BCAN: variants seen among roughly 807,000 people sequenced by gnomAD.
BCAN encodes the protein brevican.
Under a neutral mutation model 92.4 loss-of-function variants are expected in BCAN, and 51 were observed. The ratio of observed to expected loss-of-function variants is 0.55; its 90% CI spans 0.44 to 0.70. BCAN has a LOEUF of 0.70. Among genes scored for constraint, BCAN ranks in the 30% least tolerant of loss-of-function variants. The probability of loss-of-function intolerance (pLI) is 0.00; values close to 1 mark genes in which losing one functional copy is unlikely to be tolerated. For synonymous variants in BCAN, 501 were observed against 505.2 expected, an observed-to-expected ratio of 0.99 and a Z score of 0.11; for missense variants, 1,140 against 1,212.1, an observed-to-expected ratio of 0.94 and a Z score of 0.88.
At position 156,659,287 on chromosome 1, in the gene BCAN, T is replaced by C. The variant is rs975216152; in HGVS notation, c.*153T>C. 8.0e-6 allele frequency: 5 copies of C among 626,844 alleles called. No individual in the cohort carries two copies. The highest frequency in any genetic ancestry group is 4.2e-4 in the Middle Eastern group (1 of 2,354). The allele number at this position is 626,844 out of a possible 1,614,324, so 38.8% of individuals were successfully genotyped here. On this transcript the variant is annotated 3_prime_UTR_variant, in exon 14 of 14. Coordinates refer to ENST00000329117, the MANE Select transcript of BCAN (RefSeq NM_021948.5). ...AGTTCCTGAAGGGGCTTCTGGGAAA[T>C]ACCTAGGAGGCTCCAGCCCAGCCCA...
chr1:156,653,244 G>A (rs753831895), intron 8 of BCAN: 16 of 1,230,806 alleles, frequency 1.3e-5, no homozygotes, highest in African/African-American at 7.7e-5. Context: ...TTCAGGGCTC[G>A]GCCTATTTTC....
At chr1:156,648,962 C>T in intron 6 of BCAN, 101 bp downstream of exon 6, 3 of 1,356,896 alleles carry the variant, frequency 2.2e-6, no homozygotes, top group Non-Finnish European at 3.0e-6. Context: ...CAGGGCTTTG[C>T]CATTTGCCTG....
In BCAN at chr1:156,649,460, T is replaced by A. The variant is rs1282837123; in HGVS notation, c.1063+599T>A. On this transcript the variant is annotated intron_variant, in intron 6 of 13. Coordinates refer to ENST00000329117, the MANE Select transcript of BCAN (RefSeq NM_021948.5). ...CTCCGTCCCCCAGGCTGGAGTGCAGTGGTGTGATCATGGTTCATTGTAGCC... is the reference window on the plus strand; with the variant it reads ...CTCCGTCCCCCAGGCTGGAGTGCAGAGGTGTGATCATGGTTCATTGTAGCC... Among the ~76,000 whole-genome samples, 15 of 152,164 alleles carry A rather than the reference T, an allele frequency of 9.9e-5. 1 individual carries two copies. Among genetic ancestry groups the A allele is most frequent in the Admixed American group, 7.9e-4 (12 of 15,280 alleles).
In BCAN at chr1:156,648,516, G is replaced by A. The variant is rs571298781; in HGVS notation, c.770-52G>A. 1.7e-5 allele frequency: 26 copies of A among 1,525,252 alleles called. No homozygotes were observed. In the South Asian group the frequency reaches 3.0e-4, roughly 18 times the overall value. The allele number at this position is 1,525,252 out of a possible 1,614,324, so 94.5% of individuals were successfully genotyped here. A position where few individuals can be genotyped will look rare whatever the true frequency, so the allele number is the denominator to read the frequency against. On this transcript the variant is annotated intron_variant, in intron 5 of 13. Coordinates refer to ENST00000329117, the MANE Select transcript of BCAN (RefSeq NM_021948.5). ...CCCAGGGTTCCCATGGGAGACCAGA[G>A]TGGAAGGAGCTACCAGCTGCCTGAT...
chr1:156,646,760 G>A lies in BCAN; in HGVS notation c.92-41G>A, dbSNP rs200020153. ...GAGGCCACCGGGTGGGACTCTGAGG[G>A]TCGACAGCGTTAAGTTCCAGCCGGC... On this transcript the variant is annotated intron_variant, in intron 2 of 13. Transcript: ENST00000329117. 1.5e-5 allele frequency: 22 copies of A among 1,513,682 alleles called. No individual in the cohort carries two copies. The Admixed American group carries it at 3.8e-4, about 26-fold the overall frequency. 93.8% of individuals were successfully genotyped at this position (1,513,682 alleles called of 1,614,324 possible).
In BCAN at chr1:156,646,851, G is replaced by T. The variant is rs371921059; in HGVS notation, c.142G>T (p.Val48Leu). ...RIAGDAPLQG[V>L]LGGALTIPCH... Reference sequence around the variant, plus strand: ...CGCGGGCGACGCGCCACTGCAGGGCGTGCTCGGCGGCGCCCTCACCATCCC... The same window carrying T: ...CGCGGGCGACGCGCCACTGCAGGGCTTGCTCGGCGGCGCCCTCACCATCCC... The change falls in exon 3 of 14, where the codon GTG (valine) becomes TTG (leucine). Residue 48 changes from valine to leucine, a missense_variant. Transcript: ENST00000329117. The T allele has an allele frequency of 3.7e-6, 6 of 1,604,796 alleles. No homozygotes were observed. The highest frequency in any genetic ancestry group is 4.3e-6 in the Non-Finnish European group (5 of 1,175,622).
chr1:156,647,214 G>GA lies in BCAN; in HGVS notation c.466+40dup. 1 of 400,872 alleles carries GA rather than the reference G, an allele frequency of 2.5e-6. No homozygotes were observed. The highest frequency in any genetic ancestry group is 5.1e-6 in the Non-Finnish European group (1 of 196,030). The allele number at this position is 400,872 out of a possible 1,614,324, so 24.8% of individuals were successfully genotyped here. The stretch of plus-strand genomic sequence containing the variant: ...GAGGTTCCAGAGGGAGGGAGGGAGG[G>GA]AGGGAAGGGAGGACTCTTGCCTTCG... On this transcript the variant is annotated intron_variant, in intron 3 of 13. Coordinates refer to ENST00000329117, the MANE Select transcript of BCAN (RefSeq NM_021948.5). This position sits in a 1 kb window ranked among gnomAD's most constrained non-coding sequence, Gnocchi z 4.8.
chr1:156,646,768 C>T (rs1412570593), intron 2 of BCAN, 33 bp from the exon 3 acceptor site: 2 of 1,517,432 alleles, frequency 1.3e-6, no homozygotes, highest in Non-Finnish European at 1.8e-6. Context: ...GGGTCGACAG[C>T]GTTAAGTTCC....
In BCAN at chr1:156,656,749, G is replaced by T. The variant is rs957006025; in HGVS notation, c.2051-189G>T. On this transcript the variant is annotated intron_variant, in intron 9 of 13. Transcript: ENST00000329117. ...CCTGTCTCTTAGAAAAGGCACCAGC[G>T]CCCCTGCCCAAGAGCCCCTCCAGGC... The T allele has an allele frequency of 1.4e-5, 10 of 725,680 alleles. No individual in the cohort carries two copies. In the Admixed American group the frequency reaches 3.0e-4, roughly 22 times the overall value. 45.0% of individuals were successfully genotyped at this position (725,680 alleles called of 1,614,324 possible).
At chr1:156,643,268 C>A (rs904498064) in intron 1 of BCAN, 1 of 152,212 alleles carries the variant, frequency 6.6e-6, no homozygotes, top group Non-Finnish European at 1.5e-5. Context: ...AGATTCTATA[C>A]GAGAGGGATC....
At position 156,658,701 on chromosome 1, in the gene BCAN, GC is replaced by G. The variant is rs751487375; in HGVS notation, c.2602del (p.Gln868ArgfsTer34). 123 of 1,613,954 alleles carry G rather than the reference GC, an allele frequency of 7.6e-5. No homozygotes were observed. The highest frequency in any genetic ancestry group is 9.3e-5 in the Non-Finnish European group (110 of 1,180,048). On this transcript the variant is annotated frameshift_variant, in exon 13 of 14. Transcript: ENST00000329117. LOFTEE classifies it low-confidence loss of function (END_TRUNC). The surrounding 1 kb of genome is among the most constrained non-coding windows in gnomAD (Gnocchi z 4.4). The part of the protein sequence containing the change: ...IRCQENGRWE[A>X]PQISCVPRRP... ...ATGCCAAGAGAACGGTCGTTGGGAG[GC>G]CCCCCAGATCTCCTGTGTGCCCAGA...
At chr1:156,649,116 CCT>C (rs1679079626) in intron 6 of BCAN, among the ~76,000 whole-genome samples, 1 of 152,212 alleles carries the variant, frequency 6.6e-6, no homozygotes, top group South Asian at 2.1e-4. Context: ...GTAGTCCATG[CCT>C]TGTTTGCTCC....
In BCAN at chr1:156,652,461, A is replaced by G; in HGVS notation, c.1511A>G (p.Glu504Gly). ...CCCACTGAGCCAGCAGCCCAGGAGG[A>G]GTCACTCTCCCAGGCGCCAGCAAGG... is the stretch of plus-strand genomic sequence containing the variant. ...SLPTEPAAQE[E>G]SLSQAPARAV... Residue 504 changes from glutamate to glycine, a missense_variant, in exon 8 of 14, where the codon GAG (glutamate) becomes GGG (glycine). This residue lies in a region of BCAN where 825 missense variants were observed against 871.8 expected (regional missense o/e 0.95). Coordinates refer to ENST00000329117, the MANE Select transcript of BCAN (RefSeq NM_021948.5). The G allele has an allele frequency of 1.2e-6, 2 of 1,603,664 alleles. No homozygotes were observed. The highest frequency in any genetic ancestry group is 1.1e-5 in the South Asian group (1 of 89,648).
chr1:156,646,032 A>G lies in BCAN; in HGVS notation c.-8-15A>G, dbSNP rs1173615243. ...AAGTCTAACCCCATCTTTCCTTCTC[A>G]TGTCCCTCTGTCAGCCTGCAGCATG... On this transcript the variant is annotated splice_polypyrimidine_tract_variant and intron_variant, in intron 1 of 13. Transcript: ENST00000329117. 6.2e-7 allele frequency: 1 copy of G among 1,604,002 alleles called. No individual in the cohort carries two copies. Among genetic ancestry groups the G allele is most frequent in the Non-Finnish European group, 8.5e-7 (1 of 1,172,384 alleles).
chr1:156,658,704 C>T lies in BCAN; in HGVS notation c.2599C>T (p.Pro867Ser). 1 of 1,614,092 alleles carries T rather than the reference C, an allele frequency of 6.2e-7. No homozygotes were observed. The highest frequency in any genetic ancestry group is 8.5e-7 in the Non-Finnish European group (1 of 1,180,034). ...RCQENGRWEA[P>S]QISCVPRRPA... is the part of the protein sequence containing the mutation. Reference sequence around the variant, plus strand: ...CCAAGAGAACGGTCGTTGGGAGGCCCCCCAGATCTCCTGTGTGCCCAGAAG... The same window carrying T: ...CCAAGAGAACGGTCGTTGGGAGGCCTCCCAGATCTCCTGTGTGCCCAGAAG... Residue 867 changes from proline (P) to serine (S), a missense_variant, in exon 13 of 14, where the codon CCC becomes TCC. Coordinates refer to ENST00000329117, the MANE Select transcript of BCAN (RefSeq NM_021948.5). The surrounding 1 kb of genome is among the most constrained non-coding windows in gnomAD (Gnocchi z 4.4).
intron 5 of BCAN, 58 bp from the exon 6 acceptor site, chr1:156,648,510 A>G (rs373744206): frequency 2.0e-6 from 3 of 1,511,170 alleles, no homozygotes; most frequent in African/African-American, 1.4e-5. Flanking sequence ...CCCATGGGAG[A>G]CCAGAGTGGA....
At chr1:156,653,257 C>G (rs1242695340) in intron 8 of BCAN, 3 of 1,206,330 alleles carry the variant, frequency 2.5e-6, no homozygotes, top group Admixed American at 4.0e-5. Flanking sequence ...CTATTTTCCA[C>G]TACTCCCTTC....
chr1:156,652,263 C>A lies in BCAN; in HGVS notation c.1313C>A (p.Ser438Tyr). Residue 438 changes from serine to tyrosine, a missense_variant, in exon 8 of 14, where the codon TCC becomes TAC. By Grantham distance (144) the Ser-to-Tyr change is moderately radical. Transcript: ENST00000329117. ...PRTLLEFETQ[S>Y]MVPPTGFSEE... ...CTTTGCCTAGAATTTGAAACACAAT[C>A]CATGGTACCGCCCACGGGGTTCTCA... is the stretch of plus-strand genomic sequence containing the variant. 6.3e-7 allele frequency: 1 copy of A among 1,596,154 alleles called. No individual in the cohort carries two copies. The highest frequency in any genetic ancestry group is 8.5e-7 in the Non-Finnish European group (1 of 1,172,002).
In BCAN at chr1:156,646,205, C is replaced by T. The variant is rs1387914303; in HGVS notation, c.91+60C>T. ...TTGTTCAGCCCTAACCAACTGCTTC[C>T]AGGCTTAGGGGCCCCAGGAAGAGAG... is the stretch of plus-strand genomic sequence containing the variant. On this transcript the variant is annotated intron_variant, in intron 2 of 13. Transcript: ENST00000329117. 2.0e-6 allele frequency: 3 copies of T among 1,527,474 alleles called. No homozygotes were observed. The East Asian group carries it at 6.9e-5, about 35-fold the overall frequency. 94.6% of individuals were successfully genotyped at this position (1,527,474 alleles called of 1,614,324 possible).
Sources: gnomAD v4.1 joint callset for allele counts (sites outside exome capture counted in the v4.1 genomes callset) on GRCh38, gnomAD v4.1.1 for gene constraint, gnomAD v4.1.1 regional missense constraint, Gnocchi (gnomAD v3.1) non-coding constraint, MANE v1.5 for transcripts, NCBI Gene and HGNC (gene_info 2026-07-23, HGNC 2026-07-21) for gene names.